The following CPNE8 variants were observed in gnomAD, a reference collection of about 807,000 sequenced individuals.
CPNE8 encodes copine-8.
In CPNE8, 45 loss-of-function variants were observed where a neutral mutation model predicts 81.5. The ratio of observed to expected loss-of-function variants is 0.55; its 90% CI spans 0.44 to 0.71. The LOEUF (loss-of-function observed/expected upper bound fraction) is 0.71, where lower values mean the gene tolerates loss of function less well. Ranked by LOEUF, CPNE8 falls within the 30% of genes least tolerant of loss-of-function variation. CPNE8 has a pLI of 0.00. For synonymous variants in CPNE8, 252 were observed against 226.3 expected (o/e 1.11, Z -1.02); for missense variants, 594 against 672.1 (o/e 0.88, Z 1.28).
chr12:38,801,796 T>C (rs1199611904), intron 6 of CPNE8, among the ~76,000 whole-genome samples: 5 of 106,154 alleles, frequency 4.7e-5, no homozygotes, highest in Non-Finnish European at 7.7e-5. Flanking sequence ...AGGCTCCAAA[T>C]AAAAGGATGG....
intron 10 of CPNE8, among the ~76,000 whole-genome samples, chr12:38,740,428 A>G (rs1941070344): frequency 6.6e-6 from 1 of 152,134 alleles, no homozygotes; most frequent in South Asian, 2.1e-4. Context: ...TTCCAACACT[A>G]TGTTGAATAG....
intron 4 of CPNE8, among the ~76,000 whole-genome samples, chr12:38,847,040 T>C (rs544796206): frequency 6.6e-6 from 1 of 152,182 alleles, no homozygotes; most frequent in South Asian, 2.1e-4. Context: ...TGCATATGTG[T>C]ATGCTTAAAG....
rs551107936 is a variant in CPNE8 at position 38,795,421 on chromosome 12, C to T, written c.408-19120G>A. Among the ~76,000 whole-genome samples the T allele has an allele frequency of 1.6e-3, 243 of 152,264 alleles. 1 individual carries two copies. Among genetic ancestry groups the T allele is most frequent in the African/African-American group, 5.4e-3 (223 of 41,544 alleles). On this transcript the variant is annotated intron_variant, in intron 6 of 19. Transcript: ENST00000331366. The stretch of plus-strand genomic sequence containing the variant: ...GCAGGGTCTTGAAGAGATATTTGCA[C>T]ACCTATGTTAATAGCGGCACTATTC...
chr12:38,704,847 T>C lies in CPNE8; in HGVS notation c.915-1926A>G, dbSNP rs201586784. On this transcript the variant is annotated intron_variant, in intron 13 of 19. Coordinates refer to ENST00000331366, the MANE Select transcript of CPNE8 (RefSeq NM_153634.3). ...ATGTGTATATATATATATATATATATATATATATATATATATTTAAATTTC... is the reference window on the plus strand; with the variant it reads ...ATGTGTATATATATATATATATATACATATATATATATATATTTAAATTTC... Among the ~76,000 whole-genome samples, 32 of 135,072 alleles carry C rather than the reference T, an allele frequency of 2.4e-4. 4 individuals are homozygous for C. In the East Asian group the frequency reaches 6.4e-3, roughly 27 times the overall value. The allele number at this position is 135,072 out of a possible 152,430, so 88.6% of individuals were successfully genotyped here.
intron 1 of CPNE8, among the ~76,000 whole-genome samples, chr12:38,877,954 G>C (rs1157985594): frequency 6.6e-6 from 1 of 152,094 alleles, no homozygotes; most frequent in East Asian, 1.9e-4. Context: ...GATAAAACAG[G>C]TTGCAGTAAA....
At position 38,654,055 on chromosome 12, in the gene CPNE8, C is replaced by G; in HGVS notation, c.1522G>C (p.Asp508His). The G allele has an allele frequency of 6.2e-7, 1 of 1,604,264 alleles. No individual in the cohort carries two copies. Among genetic ancestry groups the G allele is most frequent in the South Asian group, 1.1e-5 (1 of 89,296 alleles). Residue 508 changes from aspartate (D) to histidine (H), a missense_variant, in exon 20 of 20, where the codon GAT becomes CAT. Coordinates refer to ENST00000331366, the MANE Select transcript of CPNE8 (RefSeq NM_153634.3). ...RDIVQFVPFR[D>H]YIDRSGNHIL... The stretch of plus-strand genomic sequence containing the variant: ...TGGTTTCCACTTCTGTCAATATAAT[C>G]CCTGAATGGCACAAACTAAAACAGA...
chr12:38,653,886 A>G lies in CPNE8; in HGVS notation c.1691T>C (p.Ile564Thr). 1 of 1,611,862 alleles carries G rather than the reference A, an allele frequency of 6.2e-7. No individual in the cohort carries two copies. Among genetic ancestry groups the G allele is most frequent in the Non-Finnish European group, 8.5e-7 (1 of 1,179,444 alleles). Residue 564 changes from isoleucine (I) to threonine (T), a missense_variant, in exon 20 of 20, where the codon ATA becomes ACA. By Grantham distance (89) the Ile-to-Thr change is moderately conservative. Coordinates refer to ENST00000331366, the MANE Select transcript of CPNE8 (RefSeq NM_153634.3). ...TPPTHVLQTQ[I>T] ...CATTAGCATTTCAGAGCACAGTCAT[A>G]TTTGAGTCTGTAACACATGTGTAGG...
chr12:38,833,211 G>T (rs1268525983), intron 5 of CPNE8, among the ~76,000 whole-genome samples: 1 of 151,750 alleles, frequency 6.6e-6, no homozygotes, highest in African/African-American at 2.4e-5. Flanking sequence ...AAATTAGCTG[G>T]ATATGGTGCT....
intron 7 of CPNE8, 140 bp downstream of exon 7, chr12:38,776,098 C>T (rs1212220706): frequency 3.5e-5 from 13 of 369,474 alleles, no homozygotes; most frequent in Admixed American, 3.3e-4. Flanking sequence ...GGGCTAAGTA[C>T]CTAAAATGAT....
chr12:38,783,507 C>T (rs555277487), intron 6 of CPNE8, among the ~76,000 whole-genome samples: 1 of 152,226 alleles, frequency 6.6e-6, no homozygotes, highest in African/African-American at 2.4e-5. Flanking sequence ...GAACTCAGTG[C>T]TGCCCTGTTA....
At position 38,749,835 on chromosome 12, in the gene CPNE8, T is replaced by C. The variant is rs191176364; in HGVS notation, c.722+11012A>G. Among the ~76,000 whole-genome samples the C allele has an allele frequency of 3.3e-3, 502 of 152,214 alleles. 2 individuals carry two copies. The highest frequency in any genetic ancestry group is 0.012 in the African/African-American group (481 of 41,542). ...TGAAATTTGCAGCCTGACAATGTAA[T>C]AGAAATGAAAATCCTATTTTCTGAG... On this transcript the variant is annotated intron_variant, in intron 10 of 19. Transcript: ENST00000331366.
intron 1 of CPNE8, among the ~76,000 whole-genome samples, chr12:38,902,469 A>G (rs1227653674): frequency 6.6e-6 from 1 of 152,184 alleles, no homozygotes; most frequent in African/African-American, 2.4e-5. Context: ...AGAATGAGAA[A>G]GAAAGAACCT....
At chr12:38,695,675 A>G (rs1484722443) in intron 14 of CPNE8, among the ~76,000 whole-genome samples, 2 of 152,214 alleles carry the variant, frequency 1.3e-5, no homozygotes, top group Non-Finnish European at 2.9e-5. Context: ...CACAACTCTC[A>G]TGCCTGAAAT....
intron 6 of CPNE8, among the ~76,000 whole-genome samples, chr12:38,798,396 A>C (rs1942559749): frequency 6.6e-6 from 1 of 152,212 alleles, no homozygotes; most frequent in Admixed American, 6.5e-5. Flanking sequence ...GCCAATATTC[A>C]ACTTTCTTAA....
chr12:38,814,412 G>A (rs1204418547), intron 6 of CPNE8, among the ~76,000 whole-genome samples: 1 of 147,526 alleles, frequency 6.8e-6, no homozygotes, highest in South Asian at 2.2e-4. Context: ...CACCTCCTGG[G>A]TTCAAGCAAT....
intron 10 of CPNE8, among the ~76,000 whole-genome samples, chr12:38,747,623 A>G (rs1257040624): frequency 1.3e-5 from 2 of 152,192 alleles, no homozygotes; most frequent in Non-Finnish European, 2.9e-5. Flanking sequence ...TACACTGTAT[A>G]AAGCTGCACT....
chr12:38,776,172 G>A lies in CPNE8; in HGVS notation c.471+66C>T, dbSNP rs1182524983. The A allele has an allele frequency of 7.9e-6, 6 of 755,262 alleles. No homozygotes were observed. In the South Asian group the frequency reaches 1.4e-4, roughly 18 times the overall value. 46.8% of individuals were successfully genotyped at this position (755,262 alleles called of 1,614,324 possible). ...AATTACTTAAAAATTAATTAGTTAA[G>A]TACAATTTTAGATATAGCATTTGAA... On this transcript the variant is annotated intron_variant, in intron 7 of 19. Transcript: ENST00000331366.
rs761161347 is a variant in CPNE8 at position 38,724,826 on chromosome 12, T to C, written c.852+20A>G. 3 of 1,373,846 alleles carry C rather than the reference T, an allele frequency of 2.2e-6. No individual in the cohort carries two copies. The highest frequency in any genetic ancestry group is 1.2e-5 in the South Asian group (1 of 83,084). 85.1% of individuals were successfully genotyped at this position (1,373,846 alleles called of 1,614,324 possible). A position where few individuals can be genotyped will look rare whatever the true frequency, so the allele number is the denominator to read the frequency against. On this transcript the variant is annotated intron_variant, in intron 12 of 19. Coordinates refer to ENST00000331366, the MANE Select transcript of CPNE8 (RefSeq NM_153634.3). ...TTCATTTATTTTAATCTTTAATAAA[T>C]AACATAAAATTTGACTTACTGTTCC...
chr12:38,865,949 G>A (rs1481479364), intron 3 of CPNE8, among the ~76,000 whole-genome samples: 2 of 152,136 alleles, frequency 1.3e-5, no homozygotes, highest in African/African-American at 4.8e-5. Flanking sequence ...CACAGTTTCT[G>A]CCTCTCTATA....
Sources: gnomAD v4.1 joint callset for allele counts (sites outside exome capture counted in the v4.1 genomes callset) on GRCh38, gnomAD v4.1.1 for gene constraint, MANE v1.5 for transcripts, NCBI Gene and HGNC (gene_info 2026-07-23, HGNC 2026-07-21) for gene names.